Variants in STUB1 observed in about 807,000 individuals in gnomAD.
STUB1 encodes E3 ubiquitin-protein ligase CHIP.
In STUB1, 37 loss-of-function variants were observed where a neutral mutation model predicts 40.3. The ratio of observed to expected loss-of-function variants is 0.92; its 90% CI spans 0.71 to 1.21. The LOEUF is 1.21. Among genes scored for constraint, STUB1 ranks in the 50% most tolerant of loss-of-function variants. The pLI is 0.00. For missense variants in STUB1, 460 were observed against 421.9 expected (o/e 1.09, Z -0.79); for synonymous variants, 246 against 171.9 (o/e 1.43, Z -3.37).
Position 682,188 on chromosome 16 carries a change from G to A in STUB1, c.693G>A (p.Leu231=), listed in dbSNP as rs748948956. The change falls in exon 6 of 7, where the codon CTG becomes CTA. Residue 231 remains leucine, a synonymous_variant. Coordinates refer to ENST00000219548, the MANE Select transcript of STUB1 (RefSeq NM_005861.4). ...AGAAGCGAGACATCCCCGACTACCT[G>A]TGTGGCAAGATCAGCTTTGAGCTGA... ...KRKKRDIPDY[L]CGKISFELMR... 1.9e-6 allele frequency: 3 copies of A among 1,610,138 alleles called. No individual in the cohort carries two copies. In the East Asian group the frequency reaches 6.7e-5, roughly 36 times the overall value.
chr16:681,984 GTGTCTCCCCCA>G, intron 4 of STUB1, 25 bp from the exon 5 acceptor site: 1 of 1,612,672 alleles, frequency 6.2e-7, no homozygotes, highest in Non-Finnish European at 8.5e-7. Context: ...GGGAGGTGGG[GTGTCTCCCCCA>G]AGCACAGCAC....
rs772192776 is a variant in STUB1 at position 682,200 on chromosome 16, C to G, written c.705C>G (p.Ile235Met). The change falls in exon 6 of 7, where the codon ATC becomes ATG. Residue 235 changes from isoleucine (I) to methionine (M), a missense_variant. By Grantham distance (10) the Ile-to-Met change is conservative. Transcript: ENST00000219548. The stretch of plus-strand genomic sequence containing the variant: ...TCCCCGACTACCTGTGTGGCAAGAT[C>G]AGCTTTGAGCTGATGCGGGAGCCGT... The part of the protein sequence containing the change: ...RDIPDYLCGK[I>M]SFELMREPCI... 5 of 1,611,696 alleles carry G rather than the reference C, an allele frequency of 3.1e-6. No individual in the cohort carries two copies. In the South Asian group the frequency reaches 3.3e-5, roughly 11 times the overall value.
chr16:682,714 C>T lies in STUB1; in HGVS notation c.*225C>T, dbSNP rs1189169175. ...GTGGGCTGGGCTGAGGCCATTGCCGCCACTATCTGTGTAATAAAATCCGTG... is the reference window on the plus strand; with the variant it reads ...GTGGGCTGGGCTGAGGCCATTGCCGTCACTATCTGTGTAATAAAATCCGTG... On this transcript the variant is annotated 3_prime_UTR_variant, in exon 7 of 7. Coordinates refer to ENST00000219548, the MANE Select transcript of STUB1 (RefSeq NM_005861.4). The T allele has an allele frequency of 2.6e-6, 4 of 1,526,332 alleles. No homozygotes were observed. In the African/African-American group the frequency reaches 4.1e-5, roughly 16 times the overall value. 94.5% of individuals were successfully genotyped at this position (1,526,332 alleles called of 1,614,324 possible).
chr16:680,919 C>T lies in STUB1; in HGVS notation c.160-233C>T, dbSNP rs1261269096. 3 of 655,588 alleles carry T rather than the reference C, an allele frequency of 4.6e-6. No homozygotes were observed. The highest frequency in any genetic ancestry group is 3.7e-5 in the African/African-American group (2 of 54,174). The allele number at this position is 655,588 out of a possible 1,614,324, so 40.6% of individuals were successfully genotyped here. ...CCCTCGACCCTTGAGGACCCCAGGT[C>T]CTAAGCCCGGACTCTCCAAAGATTT... is the stretch of plus-strand genomic sequence containing the variant. On this transcript the variant is annotated intron_variant, in intron 1 of 6. Coordinates refer to ENST00000219548, the MANE Select transcript of STUB1 (RefSeq NM_005861.4). This position sits in a 1 kb window ranked among gnomAD's most constrained non-coding sequence, Gnocchi z 4.9.
In STUB1 at chr16:681,815, AACC is replaced by A; in HGVS notation, c.550_552del (p.His184del). 1 of 1,604,412 alleles carries A rather than the reference AACC, an allele frequency of 6.2e-7. No homozygotes were observed. Among genetic ancestry groups the A allele is most frequent in the Non-Finnish European group, 8.5e-7 (1 of 1,173,428 alleles). ...CAGGGAGCTGGAAGAGTGCCAGCGA[AACC>A]ACGAGGGTGATGAGGACGACAGCCA... is the stretch of plus-strand genomic sequence containing the variant. On this transcript the variant is annotated inframe_deletion, in exon 4 of 7. Transcript: ENST00000219548.
In STUB1 at chr16:682,628, T is replaced by C. The variant is rs2039718621; in HGVS notation, c.*139T>C. 1 of 1,435,676 alleles carries C rather than the reference T, an allele frequency of 7.0e-7. No homozygotes were observed. The highest frequency in any genetic ancestry group is 1.4e-5 in the African/African-American group (1 of 71,726). The allele number at this position is 1,435,676 out of a possible 1,614,324, so 88.9% of individuals were successfully genotyped here. ...GTTGGACTCTGGACTGTTTCCCCTC[T>C]CAGCATCGCTTTTGCTGGGCCGTGA... On this transcript the variant is annotated 3_prime_UTR_variant, in exon 7 of 7. Transcript: ENST00000219548.
At position 681,136 on chromosome 16, in the gene STUB1, C is replaced by T; in HGVS notation, c.160-16C>T. ...AGCCTACGCCCTCATGCGGCTGGCC[C>T]GGCCTTGGTCCCTAGACCCGGAACC... On this transcript the variant is annotated splice_polypyrimidine_tract_variant and intron_variant, in intron 1 of 6. Transcript: ENST00000219548. The T allele has an allele frequency of 1.9e-6, 3 of 1,546,136 alleles. No homozygotes were observed. Among genetic ancestry groups the T allele is most frequent in the South Asian group, 2.4e-5 (2 of 84,042 alleles).
intron 5 of STUB1, 21 bp from the exon 6 acceptor site, chr16:682,144 C>T: frequency 1.3e-6 from 2 of 1,595,708 alleles, no homozygotes; most frequent in South Asian, 1.1e-5. Context: ...CAGCCTCTGA[C>T]CGTGTGCCCC....
intron 6 of STUB1, 40 bp downstream of exon 6, chr16:682,321 T>G (rs2151506883): frequency 6.2e-7 from 1 of 1,612,836 alleles, no homozygotes; most frequent in Non-Finnish European, 8.5e-7. Context: ...AGTGGCATGG[T>G]CCTGGGCCCC....
Position 680,559 on chromosome 16 carries a change from C to T in STUB1, c.34C>T (p.Arg12Trp), listed in dbSNP as rs1240584788. ...CAAGGAGGAGAAGGAGGGCGGCGCACGGCTGGGCGCTGGCGGCGGAAGCCC... is the reference window on the plus strand; with the variant it reads ...CAAGGAGGAGAAGGAGGGCGGCGCATGGCTGGGCGCTGGCGGCGGAAGCCC... ...KGKEEKEGGA[R>W]LGAGGGSPEK... is the part of the protein sequence containing the mutation. Residue 12 changes from arginine (R) to tryptophan (W), a missense_variant, in exon 1 of 7, where the codon CGG (arginine) becomes TGG (tryptophan). Transcript: ENST00000219548. This position sits in a 1 kb window ranked among gnomAD's most constrained non-coding sequence, Gnocchi z 4.9. 7 of 1,365,496 alleles carry T rather than the reference C, an allele frequency of 5.1e-6. No individual in the cohort carries two copies. The highest frequency in any genetic ancestry group is 3.1e-5 in the East Asian group (1 of 31,996). The allele number at this position is 1,365,496 out of a possible 1,614,324, so 84.6% of individuals were successfully genotyped here.
Position 680,476 on chromosome 16 carries a change from C to G in STUB1, c.-50C>G. On this transcript the variant is annotated 5_prime_UTR_variant, in exon 1 of 7. Coordinates refer to ENST00000219548, the MANE Select transcript of STUB1 (RefSeq NM_005861.4). This position sits in a 1 kb window ranked among gnomAD's most constrained non-coding sequence, Gnocchi z 4.9. ...GGGGCTCCGGCTGCGGGCGCTGGGC[C>G]GCGAGGCGCGGAGCTTGGGAGCGGA... The G allele has an allele frequency of 8.5e-7, 1 of 1,181,236 alleles. No homozygotes were observed. 73.2% of individuals were successfully genotyped at this position (1,181,236 alleles called of 1,614,324 possible).
rs1480069721 is a variant in STUB1 at position 680,616 on chromosome 16, G to A, written c.91G>A (p.Glu31Lys). 2.8e-6 allele frequency: 4 copies of A among 1,405,602 alleles called. No individual in the cohort carries two copies. Among genetic ancestry groups the A allele is most frequent in the Non-Finnish European group, 3.7e-6 (4 of 1,070,128 alleles). 87.1% of individuals were successfully genotyped at this position (1,405,602 alleles called of 1,614,324 possible). The change falls in exon 1 of 7, where the codon GAG becomes AAG. Residue 31 changes from glutamate to lysine, a missense_variant. Physicochemically the swap from Glu to Lys is moderately conservative, Grantham distance 56. Transcript: ENST00000219548. The surrounding 1 kb of genome is among the most constrained non-coding windows in gnomAD (Gnocchi z 4.9). ...EKSPSAQELKEQGNRLFVGRK... is the reference protein window; with the variant it reads ...EKSPSAQELKKQGNRLFVGRK... Reference sequence around the variant, plus strand: ...GAGCCCGAGCGCGCAGGAGCTCAAGGAGCAGGGCAATCGTCTGTTCGTGGG... The same window carrying A: ...GAGCCCGAGCGCGCAGGAGCTCAAGAAGCAGGGCAATCGTCTGTTCGTGGG...
Position 681,258 on chromosome 16 carries a change from T to TG in STUB1, c.268dup (p.Asp90GlyfsTer22). On this transcript the variant is annotated frameshift_variant, in exon 2 of 7. Coordinates refer to ENST00000219548, the MANE Select transcript of STUB1 (RefSeq NM_005861.4). LOFTEE classifies it high-confidence loss of function. ...GCCGACTGCCGGCGCGCCCTGGAGC[T>TG]GGACGGGCAGTCTGTGAAGGCGCAC... 6.2e-7 allele frequency: 1 copy of TG among 1,612,802 alleles called. No homozygotes were observed. The highest frequency in any genetic ancestry group is 8.5e-7 in the Non-Finnish European group (1 of 1,179,966).
Position 681,897 on chromosome 16 carries a change from C to A in STUB1, c.612+17C>A, listed in dbSNP as rs773576910. 6.2e-7 allele frequency: 1 copy of A among 1,612,882 alleles called. No individual in the cohort carries two copies. Among genetic ancestry groups the A allele is most frequent in the African/African-American group, 1.3e-5 (1 of 74,942 alleles). ...GCCAAGCACGTGAGGGTGCCCCCCA[C>A]CCACATGTGGGTCTGTGTGTGTGCA... On this transcript the variant is annotated intron_variant, in intron 4 of 6. Coordinates refer to ENST00000219548, the MANE Select transcript of STUB1 (RefSeq NM_005861.4).
At chr16:681,767 C>T (rs999997924) in intron 3 of STUB1, 26 bp from the exon 4 acceptor site, 15 of 1,577,792 alleles carry the variant, frequency 9.5e-6, no homozygotes, top group African/African-American at 1.3e-5. Context: ...AGGTCCATCT[C>T]TGACCGGCTC....
rs372117923 is a variant in STUB1, at chr16:681,418, G to C, written c.359-20G>C. On this transcript the variant is annotated intron_variant, in intron 2 of 6. Transcript: ENST00000219548. ...GCGGGTGGACTGGCCAGAGAGTGAC[G>C]TGAAGCCCCCGTTCCCCAGCTTACA... The C allele has an allele frequency of 9.9e-6, 16 of 1,609,626 alleles. 1 individual carries two copies. The Admixed American group carries it at 1.8e-4, about 18-fold the overall frequency.
Position 682,771 on chromosome 16 carries a change from G to A in STUB1, c.*282G>A, listed in dbSNP as rs201221033. 635 of 1,611,438 alleles carry A rather than the reference G, an allele frequency of 3.9e-4. No individual in the cohort carries two copies. The highest frequency in any genetic ancestry group is 5.5e-4 in the Admixed American group (33 of 59,912). ...AGGTGGGACGTGCTGGTGTGTGACC[G>A]GCAGTCCTGCCAGCTGTTTTGGCTA... On this transcript the variant is annotated 3_prime_UTR_variant, in exon 7 of 7. Transcript: ENST00000219548.
chr16:682,339 C>T (rs773898851), intron 6 of STUB1, 25 bp from the exon 7 acceptor site: 13 of 1,612,978 alleles, frequency 8.1e-6, no homozygotes, highest in Middle Eastern at 1.6e-4. Context: ...CCCATGACTG[C>T]CCTCTGCCCT....
Position 682,580 on chromosome 16 carries a change from G to C in STUB1, c.*91G>C. On this transcript the variant is annotated 3_prime_UTR_variant, in exon 7 of 7. Coordinates refer to ENST00000219548, the MANE Select transcript of STUB1 (RefSeq NM_005861.4). ...CATAGTTTATGTTCCTGGCCACCCCGACCGCTTCCCCCAAGTTCTGCTGTT... is the reference window on the plus strand; with the variant it reads ...CATAGTTTATGTTCCTGGCCACCCCCACCGCTTCCCCCAAGTTCTGCTGTT... The C allele has an allele frequency of 6.4e-7, 1 of 1,557,760 alleles. No individual in the cohort carries two copies. Among genetic ancestry groups the C allele is most frequent in the East Asian group, 2.3e-5 (1 of 44,262 alleles).
Sources: allele counts gnomAD v4.1 joint callset, GRCh38; gene constraint gnomAD v4.1.1; non-coding constraint Gnocchi (gnomAD v3.1); transcripts MANE v1.5; gene names NCBI Gene and HGNC (gene_info 2026-07-23, HGNC 2026-07-21).